CLYBL: variants seen among roughly 807,000 people sequenced by gnomAD.
The protein encoded by CLYBL is citramalyl-CoA lyase, mitochondrial.
Under a neutral mutation model 38.9 loss-of-function variants are expected in CLYBL, and 31 were observed. The observed-to-expected ratio is 0.80, with a 90% CI of 0.60 to 1.08. CLYBL has a LOEUF of 1.08. CLYBL is among the 50% of genes least tolerant of loss of function. CLYBL has a pLI of 0.00. For missense variants in CLYBL, 434 were observed against 411.6 expected, an observed-to-expected ratio of 1.05 and a Z score of -0.47; for synonymous variants, 171 against 158.6, an observed-to-expected ratio of 1.08 and a Z score of -0.59.
intron 1 of CLYBL, among the ~76,000 whole-genome samples, chr13:99,757,569 C>G (rs1390662398): frequency 6.6e-6 from 1 of 152,190 alleles, no homozygotes; most frequent in Non-Finnish European, 1.5e-5. Context: ...GATTCTCCTG[C>G]CTTGGCTGCC....
At chr13:99,658,341 C>T (rs1327903749) in intron 1 of CLYBL, among the ~76,000 whole-genome samples, 2 of 152,266 alleles carry the variant, frequency 1.3e-5, no homozygotes, top group Non-Finnish European at 2.9e-5. Context: ...GCTCCTCCCA[C>T]TGCTGGAGAG....
chr13:99,760,323 C>T (rs561278081), intron 1 of CLYBL, among the ~76,000 whole-genome samples: 52 of 152,304 alleles, frequency 3.4e-4, no homozygotes, highest in African/African-American at 1.2e-3. Flanking sequence ...ATTATCACTG[C>T]TCTTATATGG....
intron 1 of CLYBL, chr13:99,727,557 C>G (rs1208463898): frequency 6.6e-6 from 1 of 151,348 alleles, no homozygotes; most frequent in East Asian, 1.9e-4. Flanking sequence ...AACAAACCTC[C>G]TTCAGGTCAG....
intron 1 of CLYBL, among the ~76,000 whole-genome samples, chr13:99,689,285 C>T (rs1271712109): frequency 6.6e-6 from 1 of 152,220 alleles, no homozygotes; most frequent in Non-Finnish European, 1.5e-5. Context: ...ATCACGCTTT[C>T]CTTCAGCAAG....
intron 1 of CLYBL, among the ~76,000 whole-genome samples, chr13:99,696,894 GTC>G (rs1417058008): frequency 6.6e-6 from 1 of 152,128 alleles, no homozygotes; most frequent in Non-Finnish European, 1.5e-5. Context: ...GACAGTTTAA[GTC>G]TCTATTTTTT....
chr13:99,671,258 G>A lies in CLYBL; in HGVS notation c.62+64501G>A, dbSNP rs187604995. On this transcript the variant is annotated intron_variant, in intron 1 of 8. Coordinates refer to ENST00000339105, the MANE Select transcript of CLYBL (RefSeq NM_206808.5). ...CAGCATCCTGTTTCTTTCCTTCATG[G>A]CATTTATCACAGTCTGTCAATTTTT... Among the ~76,000 whole-genome samples the A allele has an allele frequency of 2.2e-3, 333 of 152,214 alleles. 1 individual carries two copies. Among genetic ancestry groups the A allele is most frequent in the Non-Finnish European group, 4.2e-3 (289 of 68,016 alleles).
intron 1 of CLYBL, among the ~76,000 whole-genome samples, chr13:99,687,211 G>C (rs1045745215): frequency 6.6e-6 from 1 of 152,214 alleles, no homozygotes; most frequent in Non-Finnish European, 1.5e-5. Flanking sequence ...GAAATTGCAA[G>C]ATGAGGCAGG....
At chr13:99,618,015 C>T (rs2046739478) in intron 1 of CLYBL, among the ~76,000 whole-genome samples, 1 of 152,192 alleles carries the variant, frequency 6.6e-6, no homozygotes, top group South Asian at 2.1e-4. Flanking sequence ...CCCATTTCCA[C>T]CAGACATATC....
intron 3 of CLYBL, among the ~76,000 whole-genome samples, chr13:99,862,643 G>C (rs2051633974): frequency 6.6e-6 from 1 of 152,162 alleles, no homozygotes; most frequent in African/African-American, 2.4e-5. Flanking sequence ...TGTTTTAAGG[G>C]CCTACCATTT....
At chr13:99,683,854 T>C (rs2047776108) in intron 1 of CLYBL, among the ~76,000 whole-genome samples, 1 of 150,906 alleles carries the variant, frequency 6.6e-6, no homozygotes, top group South Asian at 2.1e-4. Context: ...CATGGTTGTA[T>C]TGCTATATAT....
At chr13:99,620,792 A>AAAAGAAAGAGAGAGAGAG (rs147732033) in intron 1 of CLYBL, among the ~76,000 whole-genome samples, 1 of 150,398 alleles carries the variant, frequency 6.6e-6, no homozygotes, top group Non-Finnish European at 1.5e-5. Context: ...GAAAGAAAGA[A>AAAAGAAAGAGAGAGAGAG]AAAGAGAGAG....
chr13:99,647,624 G>A (rs1257517358), intron 1 of CLYBL, among the ~76,000 whole-genome samples: 1 of 152,196 alleles, frequency 6.6e-6, no homozygotes, highest in African/African-American at 2.4e-5. Context: ...TAATTTTGGG[G>A]ATAACAGCCG....
intron 1 of CLYBL, among the ~76,000 whole-genome samples, chr13:99,661,922 C>G (rs1198656415): frequency 6.6e-6 from 1 of 152,152 alleles, no homozygotes; most frequent in African/African-American, 2.4e-5. Flanking sequence ...AAATTGTGCC[C>G]CTGCTGTCAT....
intron 1 of CLYBL, among the ~76,000 whole-genome samples, chr13:99,770,478 T>C (rs1052378202): frequency 5.3e-5 from 8 of 151,056 alleles, no homozygotes; most frequent in African/African-American, 1.2e-4. Context: ...CCACCACGCC[T>C]GGCTAGTTTT....
In CLYBL at chr13:99,617,367, T is replaced by C. The variant is rs9557264; in HGVS notation, c.62+10610T>C. ...GTCATTAAAAACATCATTGCACACA[T>C]ATACTTTGTACCACTTTGGAAGTAG... On this transcript the variant is annotated intron_variant, in intron 1 of 8. Coordinates refer to ENST00000339105, the MANE Select transcript of CLYBL (RefSeq NM_206808.5). 3.9e-5 allele frequency among the ~76,000 whole-genome samples: 6 copies of C among 152,284 alleles called. No individual in the cohort carries two copies. In the East Asian group the frequency reaches 1.2e-3, roughly 29 times the overall value.
At chr13:99,885,374 G>T (rs771030756) in intron 7 of CLYBL, among the ~76,000 whole-genome samples, 6 of 152,174 alleles carry the variant, frequency 3.9e-5, no homozygotes, top group Non-Finnish European at 7.3e-5. Flanking sequence ...AGCGTGGTGT[G>T]TGTTGGGGTA....
chr13:99,756,951 G>A (rs757033135), intron 1 of CLYBL, among the ~76,000 whole-genome samples: 3 of 152,054 alleles, frequency 2.0e-5, no homozygotes, highest in Non-Finnish European at 4.4e-5. Context: ...AGGCTGGAGT[G>A]CAGTGACGTG....
chr13:99,732,724 T>C (rs2048611849), intron 1 of CLYBL, among the ~76,000 whole-genome samples: 1 of 152,196 alleles, frequency 6.6e-6, no homozygotes, highest in South Asian at 2.1e-4. Context: ...TATGAAAATA[T>C]GAAAATACTG....
intron 2 of CLYBL, among the ~76,000 whole-genome samples, chr13:99,853,512 G>A (rs1231705878): frequency 6.6e-6 from 1 of 152,056 alleles, no homozygotes; most frequent in African/African-American, 2.4e-5. Context: ...ATTGTTATAG[G>A]TTTTCTTTTT....
Sources: allele counts gnomAD v4.1 joint callset (sites outside exome capture counted in the v4.1 genomes callset), GRCh38; gene constraint gnomAD v4.1.1; transcripts MANE v1.5; gene names NCBI Gene and HGNC (gene_info 2026-07-23, HGNC 2026-07-21).